The following PPP3CB variants were observed in gnomAD, a reference collection of about 807,000 sequenced individuals.
The protein encoded by PPP3CB is protein phosphatase 3 catalytic subunit beta.
Under a neutral mutation model 66.4 loss-of-function variants are expected in PPP3CB, and 8 were observed. That is an observed-to-expected ratio of 0.12 (90% CI 0.07 to 0.22). The LOEUF is 0.22. Among genes scored for constraint, PPP3CB ranks in the 10% least tolerant of loss-of-function variants. The pLI, the probability that PPP3CB is intolerant of heterozygous loss-of-function variation, is 1.00. For synonymous variants in PPP3CB, 208 were observed against 221.2 expected, an observed-to-expected ratio of 0.94 and a Z score of 0.53; for missense variants, 319 against 642.5, an observed-to-expected ratio of 0.50 and a Z score of 5.44.
chr10:73,475,062 CTTGTACTT>C, intron 3 of PPP3CB, 32 bp from the exon 4 acceptor site: 1 of 1,601,642 alleles, frequency 6.2e-7, no homozygotes, highest in Non-Finnish European at 8.5e-7. Context: ...GTGAATTTAT[CTTGTACTT>C]TTGTTTAATG....
intron 1 of PPP3CB, among the ~76,000 whole-genome samples, chr10:73,489,408 C>CAATAATAATAATAATAATAAT (rs10524475): frequency 0.038 from 5,741 of 149,854 alleles, 159 homozygotes; most frequent in East Asian, 0.097. Context: ...TTAAAACCTT[C>CAATAATAATAATAATAATAAT]AATAATAATA....
In PPP3CB at chr10:73,438,244, A is replaced by C. The variant is rs2056096634; in HGVS notation, c.1573T>G (p.Ter525GlyextTer42). 6.2e-7 allele frequency: 1 copy of C among 1,612,560 alleles called. No individual in the cohort carries two copies. Among genetic ancestry groups the C allele is most frequent in the Non-Finnish European group, 8.5e-7 (1 of 1,179,116 alleles). The change falls in exon 14 of 14, where the codon TGA becomes GGA. Residue 525 changes from the stop codon to glycine (G), a stop_lost. Coordinates refer to ENST00000360663, the MANE Select transcript of PPP3CB (RefSeq NM_021132.4). ...NHGTGNHTAQ[*>G] is the part of the protein sequence containing the mutation. The stretch of plus-strand genomic sequence containing the variant: ...GAGAGTCCCTGGGAAGTAGTGGGTC[A>C]CTGGGCAGTATGGTTGCCCGTCCCG...
chr10:73,476,629 A>G lies in PPP3CB; in HGVS notation c.412-1599T>C, dbSNP rs193028111. On this transcript the variant is annotated intron_variant, in intron 3 of 13. Transcript: ENST00000360663. ...GAGAGTCCATCTCAATTAAAAAAAA[A>G]AAAAAAAAGAGTCAGCTGCAAAACA... Among the ~76,000 whole-genome samples the G allele has an allele frequency of 2.8e-3, 431 of 152,138 alleles. 1 individual carries two copies. The highest frequency in any genetic ancestry group is 5.0e-3 in the Non-Finnish European group (343 of 67,998).
chr10:73,496,011 G>T lies in PPP3CB; in HGVS notation c.-122C>A, dbSNP rs1029934367. ...GCGGACCCTCTTTCCCTACAGAGGG[G>T]CTAAGACCGGCATGCACTGCGCGTG... On this transcript the variant is annotated 5_prime_UTR_variant, in exon 1 of 14. Coordinates refer to ENST00000360663, the MANE Select transcript of PPP3CB (RefSeq NM_021132.4). 3 of 495,350 alleles carry T rather than the reference G, an allele frequency of 6.1e-6. No homozygotes were observed. Among genetic ancestry groups the T allele is most frequent in the African/African-American group, 2.1e-5 (1 of 47,998 alleles). The allele number at this position is 495,350 out of a possible 1,614,324, so 30.7% of individuals were successfully genotyped here.
At chr10:73,478,435 G>A in intron 3 of PPP3CB, 64 bp downstream of exon 3, 1 of 1,444,190 alleles carries the variant, frequency 6.9e-7, no homozygotes, top group Non-Finnish European at 9.5e-7. Flanking sequence ...TGAAAACTAG[G>A]ATTAAGTGAA....
chr10:73,467,371 G>A, intron 9 of PPP3CB, 182 bp downstream of exon 9: 1 of 385,052 alleles, frequency 2.6e-6, no homozygotes. Context: ...TCACATGGGG[G>A]CTGTAAACAG....
At chr10:73,494,447 C>G (rs1463953940) in intron 1 of PPP3CB, among the ~76,000 whole-genome samples, 1 of 151,940 alleles carries the variant, frequency 6.6e-6, no homozygotes, top group Non-Finnish European at 1.5e-5. Context: ...GCCACCATGC[C>G]CGGCTAATTT....
intron 4 of PPP3CB, among the ~76,000 whole-genome samples, chr10:73,474,115 T>C (rs2056747602): frequency 6.6e-6 from 1 of 152,140 alleles, no homozygotes; most frequent in Admixed American, 6.6e-5. Context: ...CGATCTCGGC[T>C]CACTGCAACC....
At chr10:73,479,545 T>C (rs545613779) in intron 1 of PPP3CB, 28 bp from the exon 2 acceptor site, 3 of 1,592,526 alleles carry the variant, frequency 1.9e-6, no homozygotes, top group African/African-American at 2.7e-5. Flanking sequence ...TAATAAAAGA[T>C]AAGTCACCAA....
chr10:73,444,473 C>A (rs780501750), intron 12 of PPP3CB: 4 of 1,037,924 alleles, frequency 3.9e-6, no homozygotes, highest in Non-Finnish European at 5.5e-6. Context: ...TGAGCTGCTC[C>A]CATATCATTT....
At chr10:73,442,732 A>C (rs2056169091) in intron 12 of PPP3CB, among the ~76,000 whole-genome samples, 1 of 151,902 alleles carries the variant, frequency 6.6e-6, no homozygotes, top group African/African-American at 2.4e-5. Flanking sequence ...TTTTTAAAGA[A>C]AATCAAAAAA....
intron 12 of PPP3CB, among the ~76,000 whole-genome samples, chr10:73,443,517 A>G (rs1209960483): frequency 6.6e-6 from 1 of 152,126 alleles, no homozygotes; most frequent in Non-Finnish European, 1.5e-5. Flanking sequence ...AAAACATCAG[A>G]TCTGTTGCTA....
chr10:73,462,858 G>A (rs140202045), intron 9 of PPP3CB, among the ~76,000 whole-genome samples: 77 of 137,054 alleles, frequency 5.6e-4, no homozygotes, highest in African/African-American at 1.9e-3. Flanking sequence ...GCAGAAGCAT[G>A]AGAACTGCTT....
intron 1 of PPP3CB, among the ~76,000 whole-genome samples, chr10:73,489,214 TA>T (rs2057033718): frequency 6.6e-6 from 1 of 152,178 alleles, no homozygotes; most frequent in Non-Finnish European, 1.5e-5. Flanking sequence ...ACTTACCTTC[TA>T]ATATTAGTAG....
At chr10:73,451,998 A>G (rs144894770) in intron 10 of PPP3CB, among the ~76,000 whole-genome samples, 7,022 of 151,694 alleles carry the variant, frequency 0.046, 498 homozygotes, top group African/African-American at 0.15. Context: ...CACCCGCCTC[A>G]GCCTCCCAAA....
intron 9 of PPP3CB, among the ~76,000 whole-genome samples, chr10:73,461,645 A>C (rs992180474): frequency 1.3e-5 from 2 of 152,200 alleles, no homozygotes; most frequent in Non-Finnish European, 2.9e-5. Context: ...ACTAGGCTTG[A>C]GTCTCAGATG....
rs781343549 is a variant in PPP3CB at position 73,447,893 on chromosome 10, CA to C, written c.1187-1321del. Among the ~76,000 whole-genome samples the C allele has an allele frequency of 2.7e-3, 350 of 128,456 alleles. 3 individuals are homozygous for C. Among genetic ancestry groups the C allele is most frequent in the Middle Eastern group, 7.6e-3 (2 of 262 alleles). The allele number at this position is 128,456 out of a possible 152,430, so 84.3% of individuals were successfully genotyped here. On this transcript the variant is annotated intron_variant, in intron 10 of 13. Coordinates refer to ENST00000360663, the MANE Select transcript of PPP3CB (RefSeq NM_021132.4). ...CTCTAAACAGGTATTTTTAAAATACCAAAAAAAAAAACCACAAAAAAACCCC... is the reference window on the plus strand; with the variant it reads ...CTCTAAACAGGTATTTTTAAAATACCAAAAAAAAAACCACAAAAAAACCCC...
intron 9 of PPP3CB, among the ~76,000 whole-genome samples, chr10:73,465,489 G>T (rs1283878940): frequency 6.6e-6 from 1 of 152,112 alleles, no homozygotes; most frequent in Non-Finnish European, 1.5e-5. Flanking sequence ...ATAAGCCCAG[G>T]AGTTCAAGGC....
intron 10 of PPP3CB, among the ~76,000 whole-genome samples, chr10:73,447,799 A>C (rs906560690): frequency 2.0e-5 from 3 of 152,120 alleles, no homozygotes; most frequent in Admixed American, 2.0e-4. Flanking sequence ...CTAAAGGGTA[A>C]ATATTATGAG....
Sources: gnomAD v4.1 joint callset for allele counts (sites outside exome capture counted in the v4.1 genomes callset) on GRCh38, gnomAD v4.1.1 for gene constraint, MANE v1.5 for transcripts, NCBI Gene and HGNC (gene_info 2026-07-23, HGNC 2026-07-21) for gene names.